IDH1: variants seen among roughly 807,000 people sequenced by gnomAD.
IDH1 encodes the protein isocitrate dehydrogenase (NADP(+)) 1.
Under a neutral mutation model 46.1 loss-of-function variants are expected in IDH1, and 33 were observed. The ratio of observed to expected loss-of-function variants is 0.72; its 90% confidence interval spans 0.54 to 0.96. The LOEUF (loss-of-function observed/expected upper bound fraction) is 0.96. IDH1 is among the 40% of genes least tolerant of loss of function. IDH1 has a pLI of 0.00. For missense variants in IDH1, 421 were observed against 515.7 expected, an observed-to-expected ratio of 0.82 and a Z score of 1.78; for synonymous variants, 144 against 172.8, an observed-to-expected ratio of 0.83 and a Z score of 1.31.
intron 8 of IDH1, 32 bp from the exon 9 acceptor site, chr2:208,239,265 A>G: frequency 6.2e-7 from 1 of 1,610,486 alleles, no homozygotes; most frequent in African/African-American, 1.3e-5. Context: ...ACAACACTCC[A>G]ATCATCCTAG....
In IDH1 at chr2:208,251,168, A is replaced by G. The variant is rs184147380; in HGVS notation, c.122+262T>C. On this transcript the variant is annotated intron_variant, in intron 3 of 9. Transcript: ENST00000345146. ...AACTTTATTCACAAAACACAGCTATATCTATATAAAAAAAGCTAACTTCAC... is the reference window on the plus strand; with the variant it reads ...AACTTTATTCACAAAACACAGCTATGTCTATATAAAAAAAGCTAACTTCAC... 8 of 341,448 alleles carry G rather than the reference A, an allele frequency of 2.3e-5. No individual in the cohort carries two copies. The East Asian group carries it at 4.1e-4, about 18-fold the overall frequency. The allele number at this position is 341,448 out of a possible 1,614,324, so 21.2% of individuals were successfully genotyped here. A position where few individuals can be genotyped will look rare whatever the true frequency, so the allele number is the denominator to read the frequency against.
chr2:208,242,795 C>T (rs550142298), intron 6 of IDH1, among the ~76,000 whole-genome samples: 244 of 149,640 alleles, frequency 1.6e-3, no homozygotes, highest in African/African-American at 5.7e-3. Context: ...GACGGAGTCT[C>T]GCTCTGTCGC....
intron 7 of IDH1, among the ~76,000 whole-genome samples, chr2:208,241,516 G>C (rs1363729276): frequency 6.6e-6 from 1 of 151,856 alleles, no homozygotes; most frequent in Non-Finnish European, 1.5e-5. Flanking sequence ...ACAGGCGTGA[G>C]CCACTGTGCC....
Position 208,248,449 on chromosome 2 carries a change from T to C in IDH1, c.334A>G (p.Ile112Val), listed in dbSNP as rs148542200. The C allele has an allele frequency of 9.3e-6, 15 of 1,614,130 alleles. No individual in the cohort carries two copies. The highest frequency in any genetic ancestry group is 1.3e-5 in the Non-Finnish European group (15 of 1,179,962). Residue 112 changes from isoleucine to valine, a missense_variant, in exon 4 of 10, where the codon ATT becomes GTT. Transcript: ENST00000345146. ...ILGGTVFREAIICKNIPRLVS... is the reference protein window; with the variant it reads ...ILGGTVFREAVICKNIPRLVS... The stretch of plus-strand genomic sequence containing the variant: ...AGCCGGGGGATATTTTTGCAGATAA[T>C]GGCTTCTCTGAAGACCGTGCCACCC...
intron 2 of IDH1, 29 bp downstream of exon 2, chr2:208,253,854 CAGA>C (rs1384529444): frequency 2.6e-5 from 4 of 152,174 alleles, no homozygotes; most frequent in Admixed American, 1.3e-4. Flanking sequence ...AAAGAAAGTA[CAGA>C]AGAAGGGGGA....
intron 4 of IDH1, among the ~76,000 whole-genome samples, chr2:208,246,100 T>C (rs551081699): frequency 2.0e-5 from 3 of 152,322 alleles, no homozygotes; most frequent in South Asian, 2.1e-4. Context: ...ACTAGTGTTA[T>C]AGGACTTGTT....
intron 3 of IDH1, among the ~76,000 whole-genome samples, chr2:208,250,429 A>C (rs1376639206): frequency 6.6e-6 from 1 of 152,170 alleles, no homozygotes; most frequent in African/African-American, 2.4e-5. Flanking sequence ...AGAACAATTA[A>C]AAAGTATGTT....
In IDH1 at chr2:208,236,917, T is replaced by C. The variant is rs1687821576; in HGVS notation, c.*162A>G. ...GTTCACAAAGGTGGCAATAACTGTA[T>C]ATATAAGAAAAAGGCTGTAAACTTA... On this transcript the variant is annotated 3_prime_UTR_variant, in exon 10 of 10. Transcript: ENST00000345146. The C allele has an allele frequency of 4.9e-6, 3 of 608,650 alleles. No homozygotes were observed. The highest frequency in any genetic ancestry group is 8.7e-6 in the Non-Finnish European group (3 of 344,408). The allele number at this position is 608,650 out of a possible 1,614,324, so 37.7% of individuals were successfully genotyped here.
intron 9 of IDH1, 60 bp downstream of exon 9, chr2:208,239,011 C>G: frequency 1.4e-6 from 2 of 1,432,554 alleles, no homozygotes; most frequent in Non-Finnish European, 9.8e-7. Flanking sequence ...CACCGATGCT[C>G]TGAGCCCAGT....
At chr2:208,240,215 C>T (rs1687893424) in intron 7 of IDH1, 2 of 598,300 alleles carry the variant, frequency 3.3e-6, no homozygotes, top group African/African-American at 3.7e-5. Context: ...GCATTTTCCC[C>T]TCACTTATTT....
At chr2:208,243,388 T>C in intron 6 of IDH1, 39 bp downstream of exon 6, 1 of 1,468,024 alleles carries the variant, frequency 6.8e-7, no homozygotes, top group Non-Finnish European at 9.5e-7. Context: ...GTCAGCTTAC[T>C]TGAGAATAAA....
At chr2:208,251,961 T>G (rs996572242) in intron 2 of IDH1, among the ~76,000 whole-genome samples, 1 of 152,226 alleles carries the variant, frequency 6.6e-6, no homozygotes. Context: ...TGGTTTGTCT[T>G]AAGAAATGAG....
chr2:208,251,633 C>T (rs1162472920), intron 2 of IDH1, 66 bp from the exon 3 acceptor site: 16 of 1,329,760 alleles, frequency 1.2e-5, no homozygotes, highest in East Asian at 2.3e-5. Context: ...ATATAAACAA[C>T]GTAGTGTTTA....
rs1007170977 is a variant in IDH1, at chr2:208,255,050, G to T, written c.-202C>A. ...CCGGACTCCCAGTGCCTCCGCTTCT[G>T]AAGTAGACTCTGCAGAAACCCGGGA... On this transcript the variant is annotated 5_prime_UTR_variant, in exon 1 of 10. Coordinates refer to ENST00000345146, the MANE Select transcript of IDH1 (RefSeq NM_005896.4). 3.3e-5 allele frequency: 5 copies of T among 152,418 alleles called. No homozygotes were observed. The highest frequency in any genetic ancestry group is 1.2e-4 in the African/African-American group (5 of 41,548). The allele number at this position is 152,418 out of a possible 1,614,324, so 9.4% of individuals were successfully genotyped here.
At chr2:208,251,675 A>G (rs1427026565) in intron 2 of IDH1, 108 bp from the exon 3 acceptor site, 9 of 807,214 alleles carry the variant, frequency 1.1e-5, no homozygotes, top group Non-Finnish European at 1.6e-5. Context: ...TAAAAGAACA[A>G]TTCATGCAAT....
chr2:208,249,487 T>C (rs1449722877), intron 3 of IDH1, among the ~76,000 whole-genome samples: 1 of 152,212 alleles, frequency 6.6e-6, no homozygotes, highest in Non-Finnish European at 1.5e-5. Flanking sequence ...AACACAAAGA[T>C]TGCAGGTCAT....
rs762792137 is a variant in IDH1 at position 208,239,833 on chromosome 2, G to A, written c.991+30C>T. On this transcript the variant is annotated intron_variant, in intron 8 of 9. Coordinates refer to ENST00000345146, the MANE Select transcript of IDH1 (RefSeq NM_005896.4). Reference sequence around the variant, plus strand: ...TGGGCTGCTTTGGAGAGCACTCTCTGGTGAGAAATCAATGTAAACACCATC... The same window carrying A: ...TGGGCTGCTTTGGAGAGCACTCTCTAGTGAGAAATCAATGTAAACACCATC... 8.7e-6 allele frequency: 14 copies of A among 1,612,700 alleles called. No individual in the cohort carries two copies. In the African/African-American group the frequency reaches 1.6e-4, roughly 18 times the overall value.
chr2:208,251,122 A>C (rs919443175), intron 3 of IDH1: 1 of 202,518 alleles, frequency 4.9e-6, no homozygotes, highest in African/African-American at 2.3e-5. Flanking sequence ...GATTCATCTG[A>C]ATATATTTAG....
intron 4 of IDH1, among the ~76,000 whole-genome samples, chr2:208,245,712 AC>A (rs1226868109): frequency 3.3e-5 from 5 of 151,278 alleles, no homozygotes. Flanking sequence ...GAAGTTTACA[AC>A]CCTATAAAGA....
Sources: gnomAD v4.1 joint callset for allele counts (sites outside exome capture counted in the v4.1 genomes callset) on GRCh38, gnomAD v4.1.1 for gene constraint, MANE v1.5 for transcripts, NCBI Gene and HGNC (gene_info 2026-07-23, HGNC 2026-07-21) for gene names.